Variants in ZNF519 observed in about 807,000 individuals in gnomAD.
The protein encoded by ZNF519 is similar to Zinc finger protein 85 (Zinc finger protein HPF4) (HTF1).
ZNF519 carries 7 observed loss-of-function variants against 7.4 expected under a neutral mutation model. That is an observed-to-expected ratio of 0.94 (90% CI 0.54 to 1.77). ZNF519 has a LOEUF of 1.77. Among genes scored for constraint, ZNF519 ranks in the 40% most tolerant of loss-of-function variants. The pLI, the probability that ZNF519 is intolerant of heterozygous loss-of-function variation, is 0.00. For synonymous variants in ZNF519, 179 were observed against 203.3 expected (o/e 0.88, Z 1.02); for missense variants, 586 against 623.1 (o/e 0.94, Z 0.63).
In ZNF519 at chr18:14,124,412, G is replaced by A. The variant is rs201872483; in HGVS notation, c.68C>T (p.Pro23Leu). ...FSPEEWKCLD[P>L]AQQNLYRDVM... Reference sequence around the variant, plus strand: ...ATCTCTATATAAATTCTGTTGGGCAGGGTCTAGGCATTTCCACTCTTCTGG... The same window carrying A: ...ATCTCTATATAAATTCTGTTGGGCAAGGTCTAGGCATTTCCACTCTTCTGG... Residue 23 changes from proline to leucine, a missense_variant, in exon 2 of 3, where the codon CCT becomes CTT. Transcript: ENST00000590202. 2 of 1,613,000 alleles carry A rather than the reference G, an allele frequency of 1.2e-6. No individual in the cohort carries two copies. Among genetic ancestry groups the A allele is most frequent in the African/African-American group, 1.3e-5 (1 of 74,888 alleles).
At chr18:14,108,881 G>T (rs2046207573) in intron 2 of ZNF519, among the ~76,000 whole-genome samples, 1 of 151,894 alleles carries the variant, frequency 6.6e-6, no homozygotes, top group South Asian at 2.1e-4. Context: ...ACCTGAGGTT[G>T]GGAGTTTGAG....
At chr18:14,115,206 T>TTA (rs1315101390) in intron 2 of ZNF519, among the ~76,000 whole-genome samples, 1 of 152,184 alleles carries the variant, frequency 6.6e-6, no homozygotes, top group Admixed American at 6.5e-5. Flanking sequence ...CAGTACAGCA[T>TTA]GGTACAACCA....
intron 1 of ZNF519, among the ~76,000 whole-genome samples, chr18:14,126,709 A>T (rs1194466098): frequency 6.6e-6 from 1 of 152,228 alleles, no homozygotes; most frequent in Non-Finnish European, 1.5e-5. Context: ...CCAAAGAACC[A>T]GAAAACTGAA....
chr18:14,125,580 C>T (rs1353970535), intron 1 of ZNF519, among the ~76,000 whole-genome samples: 1 of 152,118 alleles, frequency 6.6e-6, no homozygotes, highest in Admixed American at 6.5e-5. Context: ...GAACTGTTAA[C>T]TGCAATTCAG....
chr18:14,111,822 G>A (rs1213791170), intron 2 of ZNF519, among the ~76,000 whole-genome samples: 1 of 152,130 alleles, frequency 6.6e-6, no homozygotes, highest in African/African-American at 2.4e-5. Flanking sequence ...AAATCTGATG[G>A]CTTCACTGAA....
chr18:14,112,477 A>G (rs2046226199), intron 2 of ZNF519, among the ~76,000 whole-genome samples: 1 of 152,188 alleles, frequency 6.6e-6, no homozygotes, highest in Non-Finnish European at 1.5e-5. Flanking sequence ...GAAAAAAATA[A>G]AGGGCAACCA....
chr18:14,117,536 G>T (rs899154935), intron 2 of ZNF519, among the ~76,000 whole-genome samples: 1 of 152,078 alleles, frequency 6.6e-6, no homozygotes, highest in African/African-American at 2.4e-5. Context: ...AGAAATATTT[G>T]CACATCCATG....
At chr18:14,121,273 T>C (rs1466998276) in intron 2 of ZNF519, among the ~76,000 whole-genome samples, 1 of 152,052 alleles carries the variant, frequency 6.6e-6, no homozygotes, top group African/African-American at 2.4e-5. Context: ...ATTAGCCAGA[T>C]AGCATTGTTT....
intron 3 of ZNF519, among the ~76,000 whole-genome samples, chr18:14,081,707 T>C (rs1253257338): frequency 6.6e-6 from 1 of 152,136 alleles, no homozygotes; most frequent in Non-Finnish European, 1.5e-5. Flanking sequence ...AGAGGGATGG[T>C]GTACACAAGA....
At chr18:14,092,060 A>G (rs1253850528) in intron 2 of ZNF519, among the ~76,000 whole-genome samples, 1 of 152,146 alleles carries the variant, frequency 6.6e-6, no homozygotes, top group Non-Finnish European at 1.5e-5. Context: ...GAAACTGGTA[A>G]AGCAGAGAGA....
intron 2 of ZNF519, among the ~76,000 whole-genome samples, chr18:14,108,332 C>CT (rs1302609110): frequency 6.6e-6 from 1 of 152,166 alleles, no homozygotes; most frequent in African/African-American, 2.4e-5. Flanking sequence ...CTAACCCACT[C>CT]TCTCTATTAG....
downstream of ZNF519, among the ~76,000 whole-genome samples, chr18:14,098,047 T>C (rs1046198306): frequency 1.3e-5 from 2 of 152,148 alleles, no homozygotes; most frequent in African/African-American, 4.8e-5. Flanking sequence ...TTTCCAATGA[T>C]AGACCCTCAT....
At chr18:14,127,615 G>A (rs2046307090) in intron 1 of ZNF519, among the ~76,000 whole-genome samples, 2 of 152,112 alleles carry the variant, frequency 1.3e-5, no homozygotes, top group South Asian at 4.1e-4. Flanking sequence ...GGAGGTGGGA[G>A]GGAGTTGAAG....
Position 14,106,040 on chromosome 18 carries a change from T to C in ZNF519, c.500A>G (p.Asn167Ser), listed in dbSNP as rs62086326. 380,788 of 1,581,784 alleles carry C rather than the reference T, an allele frequency of 0.24. 48,200 individuals are homozygous for C. Among genetic ancestry groups the C allele is most frequent in the Admixed American group, 0.34 (18,962 of 55,102 alleles). Reference protein sequence around the residue: ...KNQINFNHDSNISKHHSTHFL... With the variant: ...KNQINFNHDSSISKHHSTHFL... ...ATGAGTACTATGATGTTTACTAATA[T>C]TTGAGTCATGGTTAAAATTTATCTG... The change falls in exon 3 of 3, where the codon AAT becomes AGT. Residue 167 changes from asparagine to serine, a missense_variant. Transcript: ENST00000590202.
chr18:14,107,040 C>T (rs901489558), intron 2 of ZNF519, among the ~76,000 whole-genome samples: 3 of 152,072 alleles, frequency 2.0e-5, no homozygotes, highest in Admixed American at 2.0e-4. Flanking sequence ...AGGACTGCAA[C>T]TCCCAGGTGA....
At chr18:14,084,621 G>A (rs1460432744) in intron 3 of ZNF519, among the ~76,000 whole-genome samples, 1 of 152,070 alleles carries the variant, frequency 6.6e-6, no homozygotes, top group Admixed American at 6.6e-5. Context: ...TCCTGGTCCT[G>A]AGCTTCCCAG....
intron 2 of ZNF519, among the ~76,000 whole-genome samples, chr18:14,115,112 T>C (rs1044888223): frequency 4.6e-5 from 7 of 152,252 alleles, no homozygotes; most frequent in African/African-American, 1.7e-4. Flanking sequence ...ACTACTTCAG[T>C]TGCTGTAGCT....
exon 5 of ZNF519, chr18:14,076,556 C>T (rs1001618619): frequency 1.3e-5 from 2 of 151,876 alleles, no homozygotes; most frequent in African/African-American, 4.8e-5. Context: ...TTTGTGGATG[C>T]AAAAATATAA....
intron 1 of ZNF519, among the ~76,000 whole-genome samples, chr18:14,130,265 ATC>A (rs2046323098): frequency 6.6e-6 from 1 of 151,508 alleles, no homozygotes; most frequent in South Asian, 2.1e-4. Flanking sequence ...TCAACATTCA[ATC>A]TCTCTTTATT....
Sources: allele counts gnomAD v4.1 joint callset (sites outside exome capture counted in the v4.1 genomes callset), GRCh38; gene constraint gnomAD v4.1.1; transcripts MANE v1.5; gene names NCBI Gene and HGNC (gene_info 2026-07-23, HGNC 2026-07-21).